CCDC34: variants seen among roughly 807,000 people sequenced by gnomAD.
CCDC34 encodes the protein coiled-coil domain containing 34, also known as coiled-coil domain-containing protein 34.
A neutral mutation model predicts 44.1 loss-of-function variants in CCDC34; 40 were observed. That is an observed-to-expected ratio of 0.91 (90% CI 0.70 to 1.18). The LOEUF is 1.18. Ranked by LOEUF, CCDC34 falls within the 50% of genes most tolerant of loss-of-function variation. The pLI, the probability that CCDC34 is intolerant of heterozygous loss-of-function variation, is 0.00. For missense variants in CCDC34, 466 were observed against 452.3 expected (o/e 1.03, Z -0.28); for synonymous variants, 159 against 158.2 (o/e 1.01, Z -0.04).
At chr11:27,345,376 C>G (rs1177380653) in intron 3 of CCDC34, among the ~76,000 whole-genome samples, 1 of 152,148 alleles carries the variant, frequency 6.6e-6, no homozygotes, top group East Asian at 1.9e-4. Context: ...TGTTGGTGTG[C>G]TGCACCCATT....
At chr11:27,351,185 T>A (rs1862499867) in intron 2 of CCDC34, among the ~76,000 whole-genome samples, 1 of 152,182 alleles carries the variant, frequency 6.6e-6, no homozygotes, top group African/African-American at 2.4e-5. Context: ...ACAACCATAA[T>A]TACTGGTTAT....
chr11:27,362,227 T>C (rs2133352648), intron 1 of CCDC34, among the ~76,000 whole-genome samples: 1 of 152,284 alleles, frequency 6.6e-6, no homozygotes, highest in Non-Finnish European at 1.5e-5. Context: ...ACAGTAGAAA[T>C]AAACAAATTA....
intron 3 of CCDC34, among the ~76,000 whole-genome samples, chr11:27,344,712 G>C (rs1438587678): frequency 6.6e-6 from 1 of 151,918 alleles, no homozygotes; most frequent in African/African-American, 2.4e-5. Flanking sequence ...GAAAAACCAT[G>C]TTTATAGATT....
intron 3 of CCDC34, among the ~76,000 whole-genome samples, chr11:27,348,630 T>TA (rs1390841208): frequency 6.6e-6 from 1 of 152,112 alleles, no homozygotes; most frequent in Non-Finnish European, 1.5e-5. Context: ...CAGCCACAGA[T>TA]ACAGCTAAAA....
intron 3 of CCDC34, among the ~76,000 whole-genome samples, chr11:27,343,246 C>CA (rs770266406): frequency 3.3e-5 from 5 of 151,924 alleles, no homozygotes; most frequent in South Asian, 2.1e-4. Flanking sequence ...ACTAAAAATA[C>CA]AAAAAATTAG....
intron 1 of CCDC34, among the ~76,000 whole-genome samples, chr11:27,361,462 A>C (rs1286450830): frequency 6.6e-6 from 1 of 152,200 alleles, no homozygotes; most frequent in Non-Finnish European, 1.5e-5. Flanking sequence ...TACCTTTGAG[A>C]CCAACTCAGT....
intron 3 of CCDC34, among the ~76,000 whole-genome samples, chr11:27,347,864 T>C (rs1862454742): frequency 6.6e-6 from 1 of 152,158 alleles, no homozygotes; most frequent in East Asian, 1.9e-4. Context: ...AAAATAGTTG[T>C]ATTTTATTGT....
intron 3 of CCDC34, among the ~76,000 whole-genome samples, chr11:27,342,464 A>T (rs1416717313): frequency 1.3e-5 from 2 of 151,680 alleles, no homozygotes; most frequent in African/African-American, 4.8e-5. Flanking sequence ...CCATCAGTGA[A>T]TTAAGAGAGG....
chr11:27,343,688 T>C (rs1245252092), intron 3 of CCDC34, among the ~76,000 whole-genome samples: 3 of 152,240 alleles, frequency 2.0e-5, no homozygotes, highest in Non-Finnish European at 2.9e-5. Context: ...TTTTTAATTA[T>C]AGCAGCTGAC....
At chr11:27,350,187 T>C (rs893078234) in intron 3 of CCDC34, 145 bp downstream of exon 3, 69 of 1,554,780 alleles carry the variant, frequency 4.4e-5, no homozygotes, top group Non-Finnish European at 5.8e-5. Context: ...ACTTGATAAA[T>C]GTCCACCAGG....
At chr11:27,360,401 G>A (rs1245477719) in intron 1 of CCDC34, among the ~76,000 whole-genome samples, 1 of 152,164 alleles carries the variant, frequency 6.6e-6, no homozygotes, top group East Asian at 1.9e-4. Flanking sequence ...AATACCTTGA[G>A]GTAATATCCA....
At chr11:27,339,287 C>T (rs759908440) in intron 5 of CCDC34, among the ~76,000 whole-genome samples, 2 of 151,980 alleles carry the variant, frequency 1.3e-5, no homozygotes, top group African/African-American at 2.4e-5. Flanking sequence ...AGTGTTAAAA[C>T]CTATGTAAAT....
At chr11:27,352,804 G>A (rs1268891161) in intron 2 of CCDC34, among the ~76,000 whole-genome samples, 1 of 152,190 alleles carries the variant, frequency 6.6e-6, no homozygotes, top group Non-Finnish European at 1.5e-5. Context: ...GGGTCAAAAT[G>A]TATCTAGAAA....
chr11:27,342,290 GC>G (rs1390806287), intron 3 of CCDC34, among the ~76,000 whole-genome samples: 2 of 29,030 alleles, frequency 6.9e-5, no homozygotes, highest in Admixed American at 6.7e-4. Context: ...TAAAACAGGG[GC>G]TATATATATA....
rs554958200 is a variant in CCDC34, at chr11:27,363,013, T to G, written c.182A>C (p.Asn61Thr). 1.9e-6 allele frequency: 3 copies of G among 1,614,172 alleles called. No individual in the cohort carries two copies. The highest frequency in any genetic ancestry group is 1.7e-6 in the Non-Finnish European group (2 of 1,180,024). The change falls in exon 1 of 6, where the codon AAT becomes ACT. Residue 61 changes from asparagine to threonine, a missense_variant. Coordinates refer to ENST00000328697, the MANE Select transcript of CCDC34 (RefSeq NM_030771.2). ...PSPPLPLSCSNSTRSLLSPLG... is the reference protein window; with the variant it reads ...PSPPLPLSCSTSTRSLLSPLG... ...GGGAGACAACAGCGACCTGGTGGAATTGCTGCAGCTCAGCGGCAGCGGCGG... is the reference window on the plus strand; with the variant it reads ...GGGAGACAACAGCGACCTGGTGGAAGTGCTGCAGCTCAGCGGCAGCGGCGG...
At chr11:27,361,648 C>A (rs570876682) in intron 1 of CCDC34, among the ~76,000 whole-genome samples, 1 of 152,256 alleles carries the variant, frequency 6.6e-6, no homozygotes, top group African/African-American at 2.4e-5. Context: ...AATGTACTTA[C>A]TTTTACTTCT....
At chr11:27,344,164 G>C (rs7101857) in intron 3 of CCDC34, among the ~76,000 whole-genome samples, 42,000 of 151,878 alleles carry the variant, frequency 0.28, 6,393 homozygotes, top group Non-Finnish European at 0.35. Flanking sequence ...TATCTTAATA[G>C]TATCAAACCT....
At chr11:27,342,550 T>C (rs906991581) in intron 3 of CCDC34, among the ~76,000 whole-genome samples, 4 of 152,058 alleles carry the variant, frequency 2.6e-5, no homozygotes, top group Non-Finnish European at 5.9e-5. Context: ...AATTCTTCCA[T>C]AGAACAAAGG....
chr11:27,363,028 GGC>G lies in CCDC34; in HGVS notation c.165_166del (p.Pro56AlafsTer22). 1 of 1,614,140 alleles carries G rather than the reference GGC, an allele frequency of 6.2e-7. No individual in the cohort carries two copies. The highest frequency in any genetic ancestry group is 8.5e-7 in the Non-Finnish European group (1 of 1,180,016). On this transcript the variant is annotated frameshift_variant, in exon 1 of 6. Coordinates refer to ENST00000328697, the MANE Select transcript of CCDC34 (RefSeq NM_030771.2). LOFTEE classifies it high-confidence loss of function. ...CCTGGTGGAATTGCTGCAGCTCAGC[GGC>G]AGCGGCGGCGACGGCGAGCGCACCA...
Sources: allele counts gnomAD v4.1 joint callset (sites outside exome capture counted in the v4.1 genomes callset), GRCh38; gene constraint gnomAD v4.1.1; transcripts MANE v1.5; gene names NCBI Gene and HGNC (gene_info 2026-07-23, HGNC 2026-07-21).